The following POLM variants were observed in gnomAD, a reference collection of about 807,000 sequenced individuals.
The protein encoded by POLM is DNA polymerase mu, also known as DNA-directed DNA/RNA polymerase mu.
A neutral mutation model predicts 56.7 loss-of-function variants in POLM; 52 were observed. The observed-to-expected ratio is 0.92, with a 90% CI of 0.73 to 1.15. The LOEUF (loss-of-function observed/expected upper bound fraction) is 1.15. POLM is among the 50% of genes most tolerant of loss of function. The probability of loss-of-function intolerance (pLI) is 0.00; values close to 1 mark genes in which losing one functional copy is unlikely to be tolerated. For missense variants in POLM, 660 were observed against 663.6 expected, an observed-to-expected ratio of 0.99 and a Z score of 0.06; for synonymous variants, 273 against 274.3, an observed-to-expected ratio of 1.00 and a Z score of 0.05.
intron 6 of POLM, 179 bp downstream of exon 6, chr7:44,076,330 T>A: frequency 1.5e-6 from 1 of 668,518 alleles, no homozygotes. Context: ...CATCGTCCAC[T>A]GAGAAAAGGC....
chr7:44,078,706 T>A, intron 5 of POLM, 34 bp downstream of exon 5: 1 of 1,589,736 alleles, frequency 6.3e-7, no homozygotes, highest in Non-Finnish European at 8.6e-7. Context: ...GGGCAGGACA[T>A]TCCTGGGGTA....
chr7:44,077,232 G>A (rs756227133), intron 5 of POLM, among the ~76,000 whole-genome samples: 9 of 152,226 alleles, frequency 5.9e-5, no homozygotes, highest in South Asian at 2.1e-4. Flanking sequence ...TGTGGCAGCC[G>A]AGCACCTTTT....
Position 44,076,290 on chromosome 7 carries a change from C to T in POLM, c.835+219G>A, listed in dbSNP as rs757439401. ...CTAACCAGTAGGCAGACACAAGCCC[C>T]TGGCATATCATGGAAGTTGCTGTGG... On this transcript the variant is annotated intron_variant, in intron 6 of 10. Coordinates refer to ENST00000242248, the MANE Select transcript of POLM (RefSeq NM_013284.4). 9.6e-6 allele frequency: 5 copies of T among 522,418 alleles called. No homozygotes were observed. The Admixed American group carries it at 1.0e-4, about 10-fold the overall frequency. 32.4% of individuals were successfully genotyped at this position (522,418 alleles called of 1,614,324 possible).
chr7:44,077,267 A>G (rs28382651), intron 5 of POLM, among the ~76,000 whole-genome samples: 6,439 of 152,322 alleles, frequency 0.042, 428 homozygotes, highest in African/African-American at 0.15. Context: ...AACCGATGGA[A>G]GAAGCTGGTG....
At chr7:44,080,678 G>T in intron 2 of POLM, 55 bp downstream of exon 2, 1 of 1,539,770 alleles carries the variant, frequency 6.5e-7, no homozygotes. Context: ...GCTGAGCAAT[G>T]GCCTACACTG....
At chr7:44,074,372 C>G (rs1363128208) in intron 7 of POLM, 26 bp downstream of exon 7, 3 of 1,551,734 alleles carry the variant, frequency 1.9e-6, no homozygotes, top group Non-Finnish European at 2.6e-6. Context: ...GAAGCCAAGC[C>G]AGAGGGGCAC....
chr7:44,079,489 C>A (rs1049361706), intron 4 of POLM, 82 bp downstream of exon 4: 12 of 1,366,780 alleles, frequency 8.8e-6, no homozygotes, highest in Non-Finnish European at 1.2e-5. Flanking sequence ...CTCACCCACC[C>A]CCACAGCACC....
rs1373123368 is a variant in POLM, at chr7:44,082,338, A to C, written c.101T>G (p.Leu34Arg). 2.6e-6 allele frequency: 4 copies of C among 1,560,130 alleles called. No homozygotes were observed. Among genetic ancestry groups the C allele is most frequent in the Non-Finnish European group, 3.4e-6 (4 of 1,160,284 alleles). Residue 34 changes from leucine (L) to arginine (R), a missense_variant, in exon 1 of 11, where the codon CTG becomes CGG. Coordinates refer to ENST00000242248, the MANE Select transcript of POLM (RefSeq NM_013284.4). ...STRFPGVAIY[L>R]VEPRMGRSRR... ...GCTGCGACCCATGCGAGGCTCGACC[A>C]GGTAGATGGCGACTCCCGGGAAGCG... is the stretch of plus-strand genomic sequence containing the variant.
intron 1 of POLM, 96 bp from the exon 2 acceptor site, chr7:44,081,012 TA>T: frequency 2.9e-6 from 3 of 1,044,392 alleles, no homozygotes; most frequent in Non-Finnish European, 4.1e-6. Context: ...TTCTGCATGG[TA>T]AGTGACCATT....
At position 44,073,357 on chromosome 7, in the gene POLM, A is replaced by G; in HGVS notation, c.1419T>C (p.Ala473=). The G allele has an allele frequency of 6.2e-7, 1 of 1,614,094 alleles. No individual in the cohort carries two copies. The highest frequency in any genetic ancestry group is 1.1e-5 in the South Asian group (1 of 91,084). The change falls in exon 11 of 11, where the codon GCT becomes GCC. Residue 473 remains alanine, a synonymous_variant. Coordinates refer to ENST00000242248, the MANE Select transcript of POLM (RefSeq NM_013284.4). Reference sequence around the variant, plus strand: ...GGTGTCTGAAGATGTCTTCCTCTGAAGCCGCTTGGAAAAATGTCTTCTGCA... The same window carrying G: ...GGTGTCTGAAGATGTCTTCCTCTGAGGCCGCTTGGAAAAATGTCTTCTGCA... ...DPEQKTFFQA[A]SEEDIFRHLG...
At chr7:44,079,830 G>A (rs1276503954) in intron 3 of POLM, 31 bp downstream of exon 3, 2 of 1,613,070 alleles carry the variant, frequency 1.2e-6, no homozygotes, top group Non-Finnish European at 1.7e-6. Context: ...CCAACCCCCA[G>A]GGCTGGCCAA....
At chr7:44,080,672 A>G in intron 2 of POLM, 61 bp downstream of exon 2, 1 of 1,525,054 alleles carries the variant, frequency 6.6e-7, no homozygotes, top group Non-Finnish European at 9.1e-7. Flanking sequence ...GTCCCAGCTG[A>G]GCAATGGCCT....
Position 44,073,588 on chromosome 7 carries a change from G to A in POLM, c.1398+37C>T, listed in dbSNP as rs767805972. 10 of 1,610,898 alleles carry A rather than the reference G, an allele frequency of 6.2e-6. No individual in the cohort carries two copies. The South Asian group carries it at 8.8e-5, about 14-fold the overall frequency. ...GATTGTGGGTCAGGGAGCGGACTATGGGTGCTGTTTGCTGTCCCCAGTCCC... is the reference window on the plus strand; with the variant it reads ...GATTGTGGGTCAGGGAGCGGACTATAGGTGCTGTTTGCTGTCCCCAGTCCC... On this transcript the variant is annotated intron_variant, in intron 10 of 10. Transcript: ENST00000242248.
At chr7:44,073,760 C>G (rs534115732) in intron 9 of POLM, 23 bp downstream of exon 9, 2 of 1,613,886 alleles carry the variant, frequency 1.2e-6, no homozygotes, top group South Asian at 2.2e-5. Context: ...CACCCCCAGG[C>G]GGCCCAGCGG....
Position 44,082,250 on chromosome 7 carries a change from C to A in POLM, c.188+1G>T. 2 of 1,468,816 alleles carry A rather than the reference C, an allele frequency of 1.4e-6. No homozygotes were observed. Among genetic ancestry groups the A allele is most frequent in the Non-Finnish European group, 1.8e-6 (2 of 1,118,898 alleles). 91.0% of individuals were successfully genotyped at this position (1,468,816 alleles called of 1,614,324 possible). A position where few individuals can be genotyped will look rare whatever the true frequency, so the allele number is the denominator to read the frequency against. On this transcript the variant is annotated splice_donor_variant, in intron 1 of 10. Coordinates refer to ENST00000242248, the MANE Select transcript of POLM (RefSeq NM_013284.4). LOFTEE classifies it high-confidence loss of function. ...CCTCGCCGCGCCGCGCCGCCCCGCACCTGCAGGCGTCAAGGACGCGGAAGC... is the reference window on the plus strand; with the variant it reads ...CCTCGCCGCGCCGCGCCGCCCCGCAACTGCAGGCGTCAAGGACGCGGAAGC...
chr7:44,074,635 G>T, intron 6 of POLM, 105 bp from the exon 7 acceptor site: 1 of 1,319,390 alleles, frequency 7.6e-7, no homozygotes, highest in Non-Finnish European at 1.0e-6. Flanking sequence ...GTCATTGCAG[G>T]ACCAGGAGAG....
rs1437456637 is a variant in POLM, at chr7:44,078,792, A to G, written c.662T>C (p.Val221Ala). The change falls in exon 5 of 11, where the codon GTG (valine) becomes GCG (alanine). Residue 221 changes from valine to alanine, a missense_variant. By Grantham distance (64) the Val-to-Ala change is moderately conservative (BLOSUM62 0). Coordinates refer to ENST00000242248, the MANE Select transcript of POLM (RefSeq NM_013284.4). ...CCGAACTCTCTCCACCTCCTCACAC[A>G]CTCCATGCTCCAGCAGCTCCTGGGG... ...RVVQELLEHG[V>A]CEEVERVRRS... 4 of 1,613,470 alleles carry G rather than the reference A, an allele frequency of 2.5e-6. No individual in the cohort carries two copies. The highest frequency in any genetic ancestry group is 3.3e-5 in the Admixed American group (2 of 59,924).
Position 44,082,392 on chromosome 7 carries a change from T to G in POLM, c.47A>C (p.Asp16Ala). ...CGAGGGCGGCGTGGAGGAAGCGGCA[T>G]CGCCGCTAGGGGACCCGACCCGCGC... ...RRARVGSPSG[D>A]AASSTPPSTR... The change falls in exon 1 of 11, where the codon GAT (aspartate) becomes GCT (alanine). Residue 16 changes from aspartate (D) to alanine (A), a missense_variant. Transcript: ENST00000242248. The G allele has an allele frequency of 1.3e-6, 2 of 1,520,880 alleles. No individual in the cohort carries two copies. The highest frequency in any genetic ancestry group is 1.7e-6 in the Non-Finnish European group (2 of 1,143,058). 94.2% of individuals were successfully genotyped at this position (1,520,880 alleles called of 1,614,324 possible).
intron 4 of POLM, among the ~76,000 whole-genome samples, chr7:44,079,028 G>A (rs1422345890): frequency 6.6e-6 from 1 of 152,188 alleles, no homozygotes; most frequent in Non-Finnish European, 1.5e-5. Flanking sequence ...TGGGAGGTCA[G>A]GGCTCCAGCC....
Sources: gnomAD v4.1 joint callset for allele counts (sites outside exome capture counted in the v4.1 genomes callset) on GRCh38, gnomAD v4.1.1 for gene constraint, MANE v1.5 for transcripts, NCBI Gene and HGNC (gene_info 2026-07-23, HGNC 2026-07-21) for gene names.